KCNH1: variants seen among roughly 807,000 people sequenced by gnomAD.
KCNH1 encodes voltage-gated delayed rectifier potassium channel KCNH1.
Under a neutral mutation model 69.2 loss-of-function variants are expected in KCNH1, and 27 were observed. That is an observed-to-expected ratio of 0.39 (90% confidence interval 0.29 to 0.54). The LOEUF (loss-of-function observed/expected upper bound fraction) is 0.54. Ranked by LOEUF, KCNH1 falls within the 20% of genes least tolerant of loss-of-function variation. KCNH1 has a pLI of 0.68. For missense variants in KCNH1, 798 were observed against 1,261.6 expected (o/e 0.63, Z 5.57); for synonymous variants, 456 against 487.7 (o/e 0.93, Z 0.86).
At chr1:210,731,305 C>T (rs1191342379) in intron 10 of KCNH1, among the ~76,000 whole-genome samples, 6 of 152,162 alleles carry the variant, frequency 3.9e-5, no homozygotes, top group Non-Finnish European at 8.8e-5. Context: ...CTTAACTTCA[C>T]AGAGAAGTTA....
At chr1:211,013,791 C>G (rs375571673) in intron 6 of KCNH1, among the ~76,000 whole-genome samples, 1 of 152,204 alleles carries the variant, frequency 6.6e-6, no homozygotes, top group Non-Finnish European at 1.5e-5. Context: ...CAAGGTTGCA[C>G]AGCTGGGTGA....
chr1:210,927,642 A>AG (rs1358691775), intron 6 of KCNH1, among the ~76,000 whole-genome samples: 2 of 152,198 alleles, frequency 1.3e-5, no homozygotes, highest in Non-Finnish European at 2.9e-5. Flanking sequence ...CATATATAAC[A>AG]GTAACACAAT....
At chr1:210,784,334 G>A (rs1176419865) in intron 9 of KCNH1, among the ~76,000 whole-genome samples, 1 of 152,210 alleles carries the variant, frequency 6.6e-6, no homozygotes, top group Admixed American at 6.5e-5. Flanking sequence ...AATGCTGCTG[G>A]CAGTATGTGA....
chr1:210,956,919 T>C (rs1688188381), intron 6 of KCNH1, among the ~76,000 whole-genome samples: 1 of 152,190 alleles, frequency 6.6e-6, no homozygotes, highest in East Asian at 1.9e-4. Context: ...CTCCTTCAAT[T>C]CCACTCAGAT....
chr1:210,837,528 T>C (rs1052010173), intron 7 of KCNH1, among the ~76,000 whole-genome samples: 59 of 152,114 alleles, frequency 3.9e-4, no homozygotes, highest in African/African-American at 1.4e-3. Context: ...TCCATAAACG[T>C]AAAGGGGAAA....
At chr1:211,050,490 A>C (rs1413120863) in intron 5 of KCNH1, among the ~76,000 whole-genome samples, 1 of 152,086 alleles carries the variant, frequency 6.6e-6, no homozygotes, top group Admixed American at 6.6e-5. Context: ...GGCAGTGGGA[A>C]GCAATTAAAA....
chr1:210,794,045 A>C (rs957014159), intron 9 of KCNH1, among the ~76,000 whole-genome samples: 1 of 152,202 alleles, frequency 6.6e-6, no homozygotes, highest in Non-Finnish European at 1.5e-5. Flanking sequence ...TCAACAGACA[A>C]TATAGTTATA....
At position 210,906,445 on chromosome 1, in the gene KCNH1, T is replaced by C. The variant is rs920480577; in HGVS notation, c.1462+13195A>G. 2.0e-5 allele frequency among the ~76,000 whole-genome samples: 3 copies of C among 152,040 alleles called. No homozygotes were observed. In the East Asian group the frequency reaches 5.8e-4, roughly 29 times the overall value. On this transcript the variant is annotated intron_variant, in intron 7 of 10. Transcript: ENST00000271751. ...CCACATGACTCCTCCCAGACTCAGC[T>C]AATATCCTCTAACTCTCAGGATCAA...
intron 6 of KCNH1, among the ~76,000 whole-genome samples, chr1:210,985,281 C>T (rs925672222): frequency 6.6e-6 from 1 of 152,180 alleles, no homozygotes; most frequent in Non-Finnish European, 1.5e-5. Context: ...TCTCTATCTC[C>T]TTCAGTTCTG....
intron 9 of KCNH1, among the ~76,000 whole-genome samples, chr1:210,786,759 A>C (rs1684112197): frequency 6.6e-6 from 1 of 152,206 alleles, no homozygotes; most frequent in South Asian, 2.1e-4. Flanking sequence ...AAACCTGCCC[A>C]TCATCCAGTG....
intron 6 of KCNH1, among the ~76,000 whole-genome samples, chr1:211,001,001 T>C (rs1401076944): frequency 0.012 from 1,772 of 149,890 alleles, 41 homozygotes; most frequent in Admixed American, 0.04. Flanking sequence ...ATACCTTATA[T>C]GAACATTAAT....
chr1:210,713,681 T>C (rs1456415681), intron 10 of KCNH1, among the ~76,000 whole-genome samples: 1 of 152,194 alleles, frequency 6.6e-6, no homozygotes, highest in Admixed American at 6.5e-5. Flanking sequence ...CTGCAATTCA[T>C]GATCCTTCAT....
At chr1:210,704,882 G>T (rs2149012982) in intron 10 of KCNH1, among the ~76,000 whole-genome samples, 1 of 152,180 alleles carries the variant, frequency 6.6e-6, no homozygotes, top group East Asian at 1.9e-4. Flanking sequence ...ACACTTTGCA[G>T]AGCCAGGGAC....
chr1:211,110,215 T>G (rs1225880362), intron 1 of KCNH1, among the ~76,000 whole-genome samples: 5 of 152,154 alleles, frequency 3.3e-5, no homozygotes, highest in Admixed American at 1.3e-4. Flanking sequence ...CACATATTCT[T>G]TCTTTGGCAG....
At chr1:210,881,817 A>T (rs61848971) in intron 7 of KCNH1, among the ~76,000 whole-genome samples, 8,071 of 152,318 alleles carry the variant, frequency 0.053, 296 homozygotes, top group Non-Finnish European at 0.083. Context: ...ACCATATGAC[A>T]TTCTAGAAAA....
At chr1:210,771,820 CCAGACCAAAGTCTCACCTGGCT>C (rs1296631112) in intron 10 of KCNH1, among the ~76,000 whole-genome samples, 3 of 152,270 alleles carry the variant, frequency 2.0e-5, no homozygotes, top group African/African-American at 7.2e-5. Context: ...GAAGCAGGAC[CCAGACCAAAGTCTCACCTGGCT>C]CAGACCTCAC....
chr1:210,828,523 C>T (rs187856774), intron 7 of KCNH1, among the ~76,000 whole-genome samples: 4 of 152,226 alleles, frequency 2.6e-5, no homozygotes, highest in East Asian at 1.9e-4. Context: ...CCATCCCCAC[C>T]GCAGCAGATT....
intron 7 of KCNH1, among the ~76,000 whole-genome samples, chr1:210,850,833 G>C (rs963791606): frequency 6.6e-6 from 1 of 152,198 alleles, no homozygotes; most frequent in African/African-American, 2.4e-5. Context: ...CATCCTGGGG[G>C]AGATCAAAAG....
At chr1:211,053,868 A>G (rs967696082) in intron 5 of KCNH1, among the ~76,000 whole-genome samples, 11 of 152,216 alleles carry the variant, frequency 7.2e-5, no homozygotes, top group African/African-American at 2.7e-4. Flanking sequence ...GTGTGCCTAA[A>G]TTCTGAAGCA....
Sources: allele counts gnomAD v4.1 joint callset (sites outside exome capture counted in the v4.1 genomes callset), GRCh38; gene constraint gnomAD v4.1.1; transcripts MANE v1.5; gene names NCBI Gene and HGNC (gene_info 2026-07-23, HGNC 2026-07-21).